The following COL10A1 variants were observed in gnomAD, a reference collection of about 807,000 sequenced individuals.
COL10A1 encodes collagen type X alpha 1 chain.
A neutral mutation model predicts 18.2 loss-of-function variants in COL10A1; 10 were observed. The observed-to-expected ratio is 0.55, with a 90% CI of 0.34 to 0.93. The LOEUF (loss-of-function observed/expected upper bound fraction) is 0.93. Among genes scored for constraint, COL10A1 ranks in the 40% least tolerant of loss-of-function variants. The pLI, the probability that COL10A1 is intolerant of heterozygous loss-of-function variation, is 0.02. For synonymous variants in COL10A1, 330 were observed against 316.6 expected (o/e 1.04, Z -0.45); for missense variants, 897 against 853.5 (o/e 1.05, Z -0.64).
At chr6:116,210,885 A>G in the COL10A1 span, among the ~76,000 whole-genome samples, 1 of 151,982 alleles carries the variant, frequency 6.6e-6, no homozygotes, top group East Asian at 1.9e-4. Context: ...AATCACATAG[A>G]AGTATTAGTA....
At position 116,120,404 on chromosome 6, in the gene COL10A1, A is replaced by T. The variant is rs776596664; in HGVS notation, c.1712T>A (p.Phe571Tyr). Reference sequence around the variant, plus strand: ...TTGCCTGTTATACAAAATTTTATCAAATGGTATGGGAGTTCCTATTGCTGG... The same window carrying T: ...TTGCCTGTTATACAAAATTTTATCATATGGTATGGGAGTTCCTATTGCTGG... Reference protein sequence around the residue: ...AYPAIGTPIPFDKILYNRQQH... With the variant: ...AYPAIGTPIPYDKILYNRQQH... Residue 571 changes from phenylalanine (F) to tyrosine (Y), a missense_variant, in exon 3 of 3, where the codon TTT becomes TAT. Transcript: ENST00000651968. The T allele has an allele frequency of 6.2e-7, 1 of 1,614,232 alleles. No individual in the cohort carries two copies. The highest frequency in any genetic ancestry group is 1.1e-5 in the South Asian group (1 of 91,088).
chr6:116,155,575 CAT>C (rs1780168874), intron 1 of COL10A1, among the ~76,000 whole-genome samples: 2 of 152,022 alleles, frequency 1.3e-5, no homozygotes, highest in Non-Finnish European at 1.5e-5. Context: ...TCCAAAATCA[CAT>C]GTGTATTTAC....
At chr6:116,166,628 C>G in the COL10A1 span, among the ~76,000 whole-genome samples, 1 of 152,166 alleles carries the variant, frequency 6.6e-6, no homozygotes, top group Non-Finnish European at 1.5e-5. Flanking sequence ...TGCTGACATC[C>G]TTTTCTACAT....
chr6:116,199,798 A>G, the COL10A1 span, among the ~76,000 whole-genome samples: 1 of 152,114 alleles, frequency 6.6e-6, no homozygotes, highest in African/African-American at 2.4e-5. Context: ...AACCCAGAGT[A>G]TAAAATAACC....
the COL10A1 span, among the ~76,000 whole-genome samples, chr6:116,176,419 G>A: frequency 6.6e-6 from 1 of 152,204 alleles, no homozygotes; most frequent in African/African-American, 2.4e-5. Flanking sequence ...CCTTAGAGAA[G>A]CCATGTACAC....
chr6:116,173,612 G>C, the COL10A1 span, among the ~76,000 whole-genome samples: 1 of 152,114 alleles, frequency 6.6e-6, no homozygotes, highest in African/African-American at 2.4e-5. Context: ...GTAAAAATCA[G>C]ACCCAGCTCA....
chr6:116,162,394 A>G (rs1428913641), upstream of COL10A1, among the ~76,000 whole-genome samples: 2 of 152,166 alleles, frequency 1.3e-5, no homozygotes, highest in African/African-American at 4.8e-5. Context: ...CCCTGTAAGT[A>G]TGATGTTGGC....
At chr6:116,145,380 A>G (rs1032734106) in intron 1 of COL10A1, 6 of 318,428 alleles carry the variant, frequency 1.9e-5, no homozygotes, top group Middle Eastern at 4.0e-4. Flanking sequence ...AATTGATGGT[A>G]AGAAGAAATG....
intron 1 of COL10A1, among the ~76,000 whole-genome samples, chr6:116,142,605 G>A (rs1779796045): frequency 6.6e-6 from 1 of 152,064 alleles, no homozygotes; most frequent in African/African-American, 2.4e-5. Flanking sequence ...TTTTTCCTTA[G>A]AGTCAGGAAT....
At position 116,121,137 on chromosome 6, in the gene COL10A1, G is replaced by T; in HGVS notation, c.979C>A (p.Pro327Thr). The stretch of plus-strand genomic sequence containing the variant: ...CCTGGCTTCCCAGGAAGACCTGCTG[G>T]CCCTTGTTCCCCTTTGGCACCTGGA... ...GGPGAKGEQG[P>T]AGLPGKPGLT... is the part of the protein sequence containing the mutation. The change falls in exon 3 of 3, where the codon CCA becomes ACA. Residue 327 changes from proline to threonine, a missense_variant. Physicochemically the swap from Pro to Thr is conservative, Grantham distance 38 (BLOSUM62 -1). Transcript: ENST00000651968. The T allele has an allele frequency of 1.2e-6, 2 of 1,613,418 alleles. No homozygotes were observed. The highest frequency in any genetic ancestry group is 1.7e-6 in the Non-Finnish European group (2 of 1,179,672).
upstream of COL10A1, among the ~76,000 whole-genome samples, chr6:116,160,227 C>G (rs1387793864): frequency 6.6e-6 from 1 of 152,054 alleles, no homozygotes; most frequent in Non-Finnish European, 1.5e-5. Context: ...TTTACATTTC[C>G]ACCAACAGTG....
intron 1 of COL10A1, among the ~76,000 whole-genome samples, chr6:116,138,294 GT>G (rs2114355479): frequency 6.6e-6 from 1 of 152,272 alleles, no homozygotes; most frequent in South Asian, 2.1e-4. Context: ...TAAAGCGACT[GT>G]TTTCTGTGGA....
upstream of COL10A1, among the ~76,000 whole-genome samples, chr6:116,161,537 C>G (rs895757641): frequency 5.3e-5 from 8 of 151,870 alleles, no homozygotes; most frequent in Non-Finnish European, 1.0e-4. Context: ...TGTTGAAGAT[C>G]AGGTGTGTGG....
the COL10A1 span, among the ~76,000 whole-genome samples, chr6:116,183,842 G>C: frequency 2.6e-5 from 4 of 151,980 alleles, no homozygotes; most frequent in East Asian, 7.7e-4. Flanking sequence ...CATGTCATCA[G>C]CAGAAGCAAC....
At chr6:116,205,087 A>G in the COL10A1 span, among the ~76,000 whole-genome samples, 3 of 152,106 alleles carry the variant, frequency 2.0e-5, no homozygotes, top group Middle Eastern at 3.4e-3. Flanking sequence ...CAAGCAAATA[A>G]TACATTCATG....
intron 1 of COL10A1, 198 bp from the exon 2 acceptor site, chr6:116,125,705 A>T (rs1779281551): frequency 4.5e-6 from 2 of 441,702 alleles, no homozygotes; most frequent in Non-Finnish European, 8.1e-6. Flanking sequence ...TGGAAGCTAT[A>T]CTCAGGTAAT....
chr6:116,178,076 TGTGTGTGTGTGTGC>T, the COL10A1 span, among the ~76,000 whole-genome samples: 10 of 111,182 alleles, frequency 9.0e-5, no homozygotes, highest in African/African-American at 2.5e-4. Flanking sequence ...TGTGTGTGTG[TGTGTGTGTGTGTGC>T]GCGCGCGCGC....
At chr6:116,187,225 C>T in the COL10A1 span, among the ~76,000 whole-genome samples, 1 of 152,050 alleles carries the variant, frequency 6.6e-6, no homozygotes, top group African/African-American at 2.4e-5. Flanking sequence ...GTATTCAGGT[C>T]TCTTAGCTGT....
chr6:116,179,524 CAT>C, the COL10A1 span, among the ~76,000 whole-genome samples: 2 of 152,226 alleles, frequency 1.3e-5, no homozygotes, highest in Admixed American at 6.5e-5. Flanking sequence ...GCCCAACAAA[CAT>C]ATGACAAAAT....
Sources: gnomAD v4.1 joint callset for allele counts (sites outside exome capture counted in the v4.1 genomes callset) on GRCh38, gnomAD v4.1.1 for gene constraint, MANE v1.5 for transcripts, NCBI Gene and HGNC (gene_info 2026-07-23, HGNC 2026-07-21) for gene names.